The following TSNARE1 variants were observed in gnomAD, a reference collection of about 807,000 sequenced individuals.
TSNARE1 encodes the protein t-SNARE domain-containing protein 1.
In TSNARE1, 49 loss-of-function variants were observed where a neutral mutation model predicts 62.0. The ratio of observed to expected loss-of-function variants is 0.79; its 90% CI spans 0.63 to 1.00. The LOEUF (loss-of-function observed/expected upper bound fraction) is 1.00. Among genes scored for constraint, TSNARE1 ranks in the 50% least tolerant of loss-of-function variants. The probability of loss-of-function intolerance (pLI) is 0.00; values close to 1 mark genes in which losing one functional copy is unlikely to be tolerated. For synonymous variants in TSNARE1, 328 were observed against 294.4 expected (o/e 1.11, Z -1.17); for missense variants, 755 against 700.1 (o/e 1.08, Z -0.88).
intron 13 of TSNARE1, among the ~76,000 whole-genome samples, chr8:142,222,829 CATT>C (rs1166954925): frequency 1.4e-4 from 20 of 139,730 alleles, no homozygotes; most frequent in African/African-American, 5.1e-4. Flanking sequence ...CTCACTCACT[CATT>C]CACTCACTCA....
rs748294136 is a variant in TSNARE1, at chr8:142,345,830, TG to T, written c.150del (p.Ser50ArgfsTer91). ...IRHFPCPSPESKLQNRCVGKD... is the reference protein window; with the variant it reads ...IRHFPCPSPEXKLQNRCVGKD... ...TTCCCCACACAGCGGTTCTGCAGCT[TG>T]CTCTCTGGCGACGGGCAGGGGAAAT... On this transcript the variant is annotated frameshift_variant, in exon 3 of 14. Coordinates refer to ENST00000524325, the MANE Select transcript of TSNARE1 (RefSeq NM_145003.5). LOFTEE classifies it high-confidence loss of function. 3 of 1,613,866 alleles carry T rather than the reference TG, an allele frequency of 1.9e-6. No individual in the cohort carries two copies. The Admixed American group carries it at 5.0e-5, about 27-fold the overall frequency.
At chr8:142,263,550 T>C (rs1818994224) in intron 12 of TSNARE1, among the ~76,000 whole-genome samples, 1 of 152,254 alleles carries the variant, frequency 6.6e-6, no homozygotes, top group Admixed American at 6.5e-5. Context: ...CTTTTTATTT[T>C]TCTTTGGAAG....
chr8:142,282,346 C>T lies in TSNARE1; in HGVS notation c.1363+2067G>A, dbSNP rs575515053. ...TCTGGGCAGAGGCCCAGGATGAAGG[C>T]GTGGAGGCTAGTATCTGTCAACGAG... On this transcript the variant is annotated intron_variant, in intron 11 of 13. Coordinates refer to ENST00000524325, the MANE Select transcript of TSNARE1 (RefSeq NM_145003.5). 3.9e-5 allele frequency among the ~76,000 whole-genome samples: 6 copies of T among 152,368 alleles called. No homozygotes were observed. The East Asian group carries it at 7.7e-4, about 20-fold the overall frequency.
Position 142,319,048 on chromosome 8 carries a change from G to A in TSNARE1, c.894-414C>T, listed in dbSNP as rs556472661. ...AGCAAGAGGCAGTGGGGGCAGAAAG[G>A]CAGGCAGAGAGAGACGGCGCAGGTA... On this transcript the variant is annotated intron_variant, in intron 6 of 13. Transcript: ENST00000524325. This position sits in a 1 kb window ranked among gnomAD's most constrained non-coding sequence, Gnocchi z 4.9. Among the ~76,000 whole-genome samples the A allele has an allele frequency of 6.6e-6, 1 of 151,968 alleles. No homozygotes were observed. The highest frequency in any genetic ancestry group is 1.9e-4 in the East Asian group (1 of 5,146).
intron 6 of TSNARE1, among the ~76,000 whole-genome samples, chr8:142,325,464 G>C (rs1433947861): frequency 1.3e-5 from 2 of 152,216 alleles, no homozygotes; most frequent in East Asian, 3.9e-4. Flanking sequence ...CAGGAGCCCA[G>C]GGGCCAAGGC....
intron 12 of TSNARE1, among the ~76,000 whole-genome samples, chr8:142,241,437 C>A (rs1817663069): frequency 1.3e-5 from 2 of 152,040 alleles, no homozygotes; most frequent in African/African-American, 4.8e-5. Context: ...CTATACTATG[C>A]AAGGCAATAT....
At chr8:142,212,389 G>A (rs1815583085) in intron 13 of TSNARE1, 76 bp from the exon 14 acceptor site, 2 of 152,376 alleles carry the variant, frequency 1.3e-5, no homozygotes, top group Non-Finnish European at 2.9e-5. Flanking sequence ...CAGAGGGTGG[G>A]GTGGGAAGCA....
At chr8:142,344,864 G>C (rs984262795) in intron 3 of TSNARE1, among the ~76,000 whole-genome samples, 1 of 152,206 alleles carries the variant, frequency 6.6e-6, no homozygotes, top group African/African-American at 2.4e-5. Context: ...CCTCGCCTGG[G>C]GACAGCCTTG....
Position 142,344,015 on chromosome 8 carries a change from G to A in TSNARE1, c.696C>T (p.Phe232=). ...TPVEQVVAKT[F]SCQALPSEGF... Reference sequence around the variant, plus strand: ...CCTCGGAGGGCAGGGCCTGGCAAGAGAAGGTCTTGGCCACCACCTGCTCCA... The same window carrying A: ...CCTCGGAGGGCAGGGCCTGGCAAGAAAAGGTCTTGGCCACCACCTGCTCCA... Residue 232 remains phenylalanine, a synonymous_variant, in exon 4 of 14, where the codon TTC becomes TTT. Coordinates refer to ENST00000524325, the MANE Select transcript of TSNARE1 (RefSeq NM_145003.5). 2 of 1,559,842 alleles carry A rather than the reference G, an allele frequency of 1.3e-6. No individual in the cohort carries two copies. The highest frequency in any genetic ancestry group is 4.5e-5 in the East Asian group (2 of 44,230).
intron 1 of TSNARE1, among the ~76,000 whole-genome samples, chr8:142,382,758 G>A (rs561025588): frequency 2.6e-5 from 4 of 152,392 alleles, no homozygotes; most frequent in Admixed American, 6.5e-5. Flanking sequence ...GAAGGGGCCC[G>A]GTAGGCCCTG....
chr8:142,311,652 A>T, intron 9 of TSNARE1, among the ~76,000 whole-genome samples: 1 of 152,220 alleles, frequency 6.6e-6, no homozygotes, highest in African/African-American at 2.4e-5. Context: ...TGAATCTGTG[A>T]CTTGAAGTAT....
intron 1 of TSNARE1, among the ~76,000 whole-genome samples, chr8:142,393,376 G>A (rs1053111407): frequency 9.8e-5 from 15 of 152,346 alleles, no homozygotes; most frequent in East Asian, 3.9e-4. Context: ...AACGGGCACC[G>A]ACACAGGGCT....
intron 13 of TSNARE1, among the ~76,000 whole-genome samples, chr8:142,213,654 G>A (rs1815683546): frequency 1.3e-5 from 2 of 152,186 alleles, no homozygotes; most frequent in South Asian, 4.1e-4. Flanking sequence ...AGCTGGGGAG[G>A]GGGCCCCTCA....
chr8:142,356,905 A>T (rs1834784873), intron 1 of TSNARE1, among the ~76,000 whole-genome samples: 1 of 152,114 alleles, frequency 6.6e-6, no homozygotes, highest in Non-Finnish European at 1.5e-5. Context: ...CAGATAACAA[A>T]GGCTGTGTTA....
chr8:142,246,261 A>C (rs913921612), intron 12 of TSNARE1, among the ~76,000 whole-genome samples: 5 of 152,040 alleles, frequency 3.3e-5, no homozygotes, highest in African/African-American at 7.2e-5. Flanking sequence ...GACCCCCAGG[A>C]GATGGCAGGG....
intron 2 of TSNARE1, among the ~76,000 whole-genome samples, chr8:142,352,675 G>A (rs914349581): frequency 1.3e-5 from 2 of 152,252 alleles, no homozygotes; most frequent in African/African-American, 2.4e-5. Flanking sequence ...GCACGACACG[G>A]AGCAACGCAA....
chr8:142,311,355 T>C lies in TSNARE1; in HGVS notation c.1131+3029A>G, dbSNP rs186293687. 1.1e-3 allele frequency among the ~76,000 whole-genome samples: 164 copies of C among 143,442 alleles called. 2 individuals carry two copies. The highest frequency in any genetic ancestry group is 6.3e-4 in the Non-Finnish European group (42 of 66,694). The allele number at this position is 143,442 out of a possible 152,430, so 94.1% of individuals were successfully genotyped here. A position where few individuals can be genotyped will look rare whatever the true frequency, so the allele number is the denominator to read the frequency against. ...TCTTGTTGCCCAGGCTGGAGTGCAA[T>C]GGCACAATCTCGGCTCACCACAGCC... On this transcript the variant is annotated intron_variant, in intron 9 of 13. Coordinates refer to ENST00000524325, the MANE Select transcript of TSNARE1 (RefSeq NM_145003.5).
chr8:142,331,037 G>C (rs376320898), intron 5 of TSNARE1, 67 bp from the exon 6 acceptor site: 5 of 1,468,600 alleles, frequency 3.4e-6, no homozygotes, highest in Non-Finnish European at 4.7e-6. Flanking sequence ...ACTCCATATG[G>C]GTGGCCCCAC....
intron 12 of TSNARE1, among the ~76,000 whole-genome samples, chr8:142,231,629 G>A (rs1440161002): frequency 2.6e-5 from 4 of 152,174 alleles, no homozygotes; most frequent in Non-Finnish European, 5.9e-5. Context: ...GTGTCTCTCA[G>A]GTCCATGGTC....
Sources: allele counts gnomAD v4.1 joint callset (sites outside exome capture counted in the v4.1 genomes callset), GRCh38; gene constraint gnomAD v4.1.1; non-coding constraint Gnocchi (gnomAD v3.1); transcripts MANE v1.5; gene names NCBI Gene and HGNC (gene_info 2026-07-23, HGNC 2026-07-21).